SLC4A4: variants seen among roughly 807,000 people sequenced by gnomAD.
The protein encoded by SLC4A4 is solute carrier family 4 member 4.
A neutral mutation model predicts 111.5 loss-of-function variants in SLC4A4; 27 were observed. The observed-to-expected ratio is 0.24, with a 90% CI of 0.18 to 0.33. The LOEUF is 0.33. Among genes scored for constraint, SLC4A4 ranks in the 10% least tolerant of loss-of-function variants. The pLI, the probability that SLC4A4 is intolerant of heterozygous loss-of-function variation, is 1.00. For missense variants in SLC4A4, 909 were observed against 1,315.5 expected (o/e 0.69, Z 4.78); for synonymous variants, 443 against 463.4 (o/e 0.96, Z 0.57).
At chr4:71,199,711 G>A (rs1578583925) in intron 1 of SLC4A4, among the ~76,000 whole-genome samples, 1 of 152,082 alleles carries the variant, frequency 6.6e-6, no homozygotes, top group Non-Finnish European at 1.5e-5. Flanking sequence ...GTGCAGTGGC[G>A]CAATCTCGGC....
At chr4:71,427,931 A>C (rs934134996) in intron 7 of SLC4A4, among the ~76,000 whole-genome samples, 1 of 152,152 alleles carries the variant, frequency 6.6e-6, no homozygotes, top group African/African-American at 2.4e-5. Context: ...TGAAGATGTC[A>C]AGTCTGTTTT....
intron 12 of SLC4A4, among the ~76,000 whole-genome samples, chr4:71,455,885 T>C (rs1380875398): frequency 6.6e-6 from 1 of 152,182 alleles, no homozygotes; most frequent in Non-Finnish European, 1.5e-5. Context: ...TGAGTAGGTT[T>C]TGGGAAAGTA....
At chr4:71,305,226 C>T (rs1725587806) in intron 3 of SLC4A4, among the ~76,000 whole-genome samples, 1 of 152,146 alleles carries the variant, frequency 6.6e-6, no homozygotes, top group Non-Finnish European at 1.5e-5. Context: ...AAAAATAGCA[C>T]AATTATTACT....
intron 2 of SLC4A4, among the ~76,000 whole-genome samples, chr4:71,128,202 G>C (rs1743608524): frequency 6.6e-6 from 1 of 152,222 alleles, no homozygotes. Flanking sequence ...ATGGTGGAAG[G>C]CAAGGAAGAG....
At chr4:71,077,827 C>T (rs563118923) in intron 1 of SLC4A4, among the ~76,000 whole-genome samples, 1 of 152,156 alleles carries the variant, frequency 6.6e-6, no homozygotes. Context: ...TACTGCACTC[C>T]CCTAGTTCCT....
At chr4:71,542,541 TCTC>T (rs1735160505) in intron 18 of SLC4A4, among the ~76,000 whole-genome samples, 1 of 152,016 alleles carries the variant, frequency 6.6e-6, no homozygotes, top group South Asian at 2.1e-4. Context: ...TCCCCCATCT[TCTC>T]CTGTGCACCA....
At chr4:71,545,385 T>A (rs1735428751) in intron 18 of SLC4A4, among the ~76,000 whole-genome samples, 1 of 152,004 alleles carries the variant, frequency 6.6e-6, no homozygotes, top group Non-Finnish European at 1.5e-5. Flanking sequence ...CCAACCTCTT[T>A]ATTCCTTGGA....
intron 16 of SLC4A4, among the ~76,000 whole-genome samples, chr4:71,528,720 A>G (rs924319776): frequency 2.0e-5 from 3 of 152,034 alleles, no homozygotes; most frequent in African/African-American, 7.2e-5. Flanking sequence ...TATTAGAAAA[A>G]TAGATTTTAG....
At chr4:71,255,038 G>T (rs1299121631) in intron 2 of SLC4A4, among the ~76,000 whole-genome samples, 182 bp from the exon 3 acceptor site, 1 of 152,190 alleles carries the variant, frequency 6.6e-6, no homozygotes, top group Non-Finnish European at 1.5e-5. Flanking sequence ...TCAGCCACTA[G>T]CTTGAATTAT....
chr4:71,359,111 G>A (rs142165142), intron 6 of SLC4A4, among the ~76,000 whole-genome samples: 3 of 152,282 alleles, frequency 2.0e-5, no homozygotes, highest in African/African-American at 2.4e-5. Context: ...GGATCTTGGC[G>A]GCCAGAATCT....
intron 3 of SLC4A4, among the ~76,000 whole-genome samples, chr4:71,333,021 C>T (rs1437052294): frequency 6.6e-6 from 1 of 152,048 alleles, no homozygotes; most frequent in Non-Finnish European, 1.5e-5. Context: ...GTCATTGGTA[C>T]CTTATTTGGT....
At chr4:71,275,602 T>C (rs1560837839) in intron 3 of SLC4A4, among the ~76,000 whole-genome samples, 1 of 152,212 alleles carries the variant, frequency 6.6e-6, no homozygotes, top group Non-Finnish European at 1.5e-5. Flanking sequence ...TTGAGAATAG[T>C]AGTATCTTTT....
At chr4:71,331,983 T>C (rs7681463) in intron 3 of SLC4A4, among the ~76,000 whole-genome samples, 147,709 of 152,290 alleles carry the variant, frequency 0.97, 71,810 homozygotes, top group Middle Eastern at 1. Context: ...TCGTAGTAGT[T>C]TGTAATGATC....
rs376997133 is a variant in SLC4A4, at chr4:71,271,937, G to A, written c.253+16538G>A. The stretch of plus-strand genomic sequence containing the variant: ...ATCATTGTGACCATTTAATGATAAG[G>A]AAACTCATCCTCAAATAATTTAAAC... On this transcript the variant is annotated intron_variant, in intron 3 of 25. Transcript: ENST00000264485. Among the ~76,000 whole-genome samples, 11 of 152,232 alleles carry A rather than the reference G, an allele frequency of 7.2e-5. No individual in the cohort carries two copies. In the East Asian group the frequency reaches 7.7e-4, roughly 11 times the overall value.
intron 5 of SLC4A4, among the ~76,000 whole-genome samples, chr4:71,355,647 T>A (rs1730218941): frequency 6.6e-6 from 1 of 152,158 alleles, no homozygotes; most frequent in African/African-American, 2.4e-5. Flanking sequence ...TTCCAAACAG[T>A]TGATAGTACA....
chr4:71,469,798 C>A (rs1727698703), intron 13 of SLC4A4, among the ~76,000 whole-genome samples: 1 of 151,860 alleles, frequency 6.6e-6, no homozygotes, highest in African/African-American at 2.4e-5. Context: ...TTGGGTCATT[C>A]TTGTTGAACT....
At chr4:71,156,572 ATGCGCGCGCGCGCGCG>A (rs1325857009) in intron 2 of SLC4A4, among the ~76,000 whole-genome samples, 139 of 26,072 alleles carry the variant, frequency 5.3e-3, no homozygotes, top group African/African-American at 6.7e-3. Context: ...GTGTGCGCGC[ATGCGCGCGCGCGCGCG>A]CACACACACA....
intron 16 of SLC4A4, among the ~76,000 whole-genome samples, chr4:71,531,390 G>A (rs1733900322): frequency 6.6e-6 from 1 of 152,124 alleles, no homozygotes; most frequent in South Asian, 2.1e-4. Context: ...ACATACGTGA[G>A]ACTTTAAGTA....
chr4:71,115,866 T>C (rs1001793591), intron 2 of SLC4A4, among the ~76,000 whole-genome samples: 1 of 152,176 alleles, frequency 6.6e-6, no homozygotes, highest in African/African-American at 2.4e-5. Flanking sequence ...ATTTAAAAAG[T>C]ATTTAACATA....
Sources: gnomAD v4.1 joint callset for allele counts (sites outside exome capture counted in the v4.1 genomes callset) on GRCh38, gnomAD v4.1.1 for gene constraint, MANE v1.5 for transcripts, NCBI Gene and HGNC (gene_info 2026-07-23, HGNC 2026-07-21) for gene names.